Variants in QSOX1 observed in about 807,000 individuals in gnomAD.
The protein encoded by QSOX1 is quiescin sulfhydryl oxidase 1, also known as sulfhydryl oxidase 1.
QSOX1 carries 40 observed loss-of-function variants against 76.1 expected under a neutral mutation model. That is an observed-to-expected ratio of 0.53 (90% CI 0.41 to 0.68). The LOEUF (loss-of-function observed/expected upper bound fraction) is 0.68, where lower values mean the gene tolerates loss of function less well. QSOX1 is among the 30% of genes least tolerant of loss of function. QSOX1 has a pLI of 0.00. For synonymous variants in QSOX1, 392 were observed against 413.1 expected (o/e 0.95, Z 0.62); for missense variants, 931 against 974.3 (o/e 0.96, Z 0.59).
At chr1:180,173,726 G>T (rs953979069) in intron 2 of QSOX1, among the ~76,000 whole-genome samples, 6 of 152,146 alleles carry the variant, frequency 3.9e-5, no homozygotes, top group African/African-American at 1.4e-4. Flanking sequence ...ATGGTTCCTA[G>T]TGTTTAAAAG....
intron 7 of QSOX1, 90 bp downstream of exon 7, chr1:180,184,140 TCTTC>T (rs1663110507): frequency 1.4e-6 from 2 of 1,477,062 alleles, no homozygotes; most frequent in Non-Finnish European, 1.9e-6. Flanking sequence ...TGCTCATTCT[TCTTC>T]CTTGTCATAT....
chr1:180,160,149 A>G (rs1479188255), intron 1 of QSOX1, among the ~76,000 whole-genome samples: 1 of 152,166 alleles, frequency 6.6e-6, no homozygotes, highest in African/African-American at 2.4e-5. Flanking sequence ...CTAAGAGTTT[A>G]CAATATGACG....
chr1:180,190,098 G>C (rs1324046509), intron 9 of QSOX1, among the ~76,000 whole-genome samples: 1 of 152,206 alleles, frequency 6.6e-6, no homozygotes, highest in Non-Finnish European at 1.5e-5. Context: ...TCCTGCTCAT[G>C]CTGCTATTTG....
intron 8 of QSOX1, among the ~76,000 whole-genome samples, chr1:180,187,971 C>T (rs575149410): frequency 2.0e-5 from 3 of 152,216 alleles, no homozygotes; most frequent in Admixed American, 1.3e-4. Flanking sequence ...TCAGCCCTGC[C>T]GGTGCCTGCA....
chr1:180,196,915 C>T lies in QSOX1; in HGVS notation c.2122C>T (p.Leu708=), dbSNP rs1438327561. 3.1e-6 allele frequency: 5 copies of T among 1,595,768 alleles called. No homozygotes were observed. In the East Asian group the frequency reaches 9.0e-5, roughly 29 times the overall value. Residue 708 remains leucine, a synonymous_variant, in exon 12 of 12, where the codon CTG becomes TTG. Transcript: ENST00000367602. The surrounding 1 kb of genome is among the most constrained non-coding windows in gnomAD (Gnocchi z 4.1). ...GGTGCTGGGAGGGGGCTTCTCTTAC[C>T]TGGACATCAGCCTCTGTGTGGGGCT... ...LQVLGGGFSY[L]DISLCVGLYS...
intron 2 of QSOX1, among the ~76,000 whole-genome samples, chr1:180,174,231 G>T (rs536143609): frequency 6.6e-6 from 1 of 152,336 alleles, no homozygotes; most frequent in South Asian, 2.1e-4. Context: ...TCGGAAGAGC[G>T]CAGGCAAAAG....
intron 2 of QSOX1, among the ~76,000 whole-genome samples, chr1:180,170,314 G>T (rs567793889): frequency 6.6e-6 from 1 of 152,316 alleles, no homozygotes; most frequent in Non-Finnish European, 1.5e-5. Context: ...TGTTTTTGAG[G>T]TCTTCTCCAT....
At chr1:180,189,794 T>C (rs1558192183) in intron 9 of QSOX1, 120 bp downstream of exon 9, 1 of 1,154,648 alleles carries the variant, frequency 8.7e-7, no homozygotes, top group Non-Finnish European at 1.2e-6. Flanking sequence ...GTGATCTTCG[T>C]TGGGTCCTAA....
At chr1:180,158,355 A>G (rs992075197) in intron 1 of QSOX1, among the ~76,000 whole-genome samples, 9 of 152,206 alleles carry the variant, frequency 5.9e-5, no homozygotes, top group Admixed American at 4.6e-4. Context: ...CACATCTGCT[A>G]TGTGTACCTG....
intron 11 of QSOX1, among the ~76,000 whole-genome samples, chr1:180,195,222 A>T (rs1663441760): frequency 6.6e-6 from 1 of 152,026 alleles, no homozygotes; most frequent in East Asian, 1.9e-4. Flanking sequence ...CTGGAGGGCC[A>T]GGAGCCTGGG....
rs1663659792 is a variant in QSOX1 at position 180,202,702 on chromosome 1, A to G, written c.*5665A>G. On this transcript the variant is annotated 3_prime_UTR_variant, in exon 12 of 12. Coordinates refer to ENST00000367602, the MANE Select transcript of QSOX1 (RefSeq NM_002826.5). ...AAAAAAAAAAAAAAAGGGGAAATAT[A>G]ATTGAATACTTCACTGTTTTTGAAA... 2.0e-5 allele frequency: 3 copies of G among 151,680 alleles called. No individual in the cohort carries two copies. In the South Asian group the frequency reaches 6.3e-4, roughly 32 times the overall value. The allele number at this position is 151,680 out of a possible 1,614,324, so 9.4% of individuals were successfully genotyped here. A position where few individuals can be genotyped will look rare whatever the true frequency, so the allele number is the denominator to read the frequency against.
intron 1 of QSOX1, among the ~76,000 whole-genome samples, chr1:180,160,497 C>G (rs1439669903): frequency 1.3e-5 from 2 of 151,894 alleles, no homozygotes; most frequent in African/African-American, 4.8e-5. Flanking sequence ...TGAAGTTACC[C>G]ACTGGGCAGA....
At position 180,161,975 on chromosome 1, in the gene QSOX1, T is replaced by C. The variant is rs1662502751; in HGVS notation, c.266-4516T>C. On this transcript the variant is annotated intron_variant, in intron 1 of 11. Transcript: ENST00000367602. Reference sequence around the variant, plus strand: ...GGATTATAGTTGCTTAGAAAAAAGCTTTTAGAAAAACATCAGAATAAAGCA... The same window carrying C: ...GGATTATAGTTGCTTAGAAAAAAGCCTTTAGAAAAACATCAGAATAAAGCA... Among the ~76,000 whole-genome samples the C allele has an allele frequency of 2.6e-5, 4 of 152,318 alleles. 1 individual carries two copies. In the South Asian group the frequency reaches 8.3e-4, roughly 32 times the overall value.
intron 1 of QSOX1, among the ~76,000 whole-genome samples, chr1:180,162,198 A>C (rs1257704713): frequency 6.6e-6 from 1 of 152,242 alleles, no homozygotes; most frequent in Non-Finnish European, 1.5e-5. Flanking sequence ...CCTTAATAGC[A>C]AGTATAAACA....
intron 2 of QSOX1, among the ~76,000 whole-genome samples, chr1:180,174,427 A>T (rs567809826): frequency 6.6e-6 from 1 of 152,252 alleles, no homozygotes; most frequent in Non-Finnish European, 1.5e-5. Flanking sequence ...CCAGGGACTC[A>T]GGTCCCCGCT....
Position 180,199,330 on chromosome 1 carries a change from C to T in QSOX1, c.*2293C>T, listed in dbSNP as rs1055738508. 6 of 152,178 alleles carry T rather than the reference C, an allele frequency of 3.9e-5. No homozygotes were observed. The highest frequency in any genetic ancestry group is 1.4e-4 in the African/African-American group (6 of 41,438). 9.4% of individuals were successfully genotyped at this position (152,178 alleles called of 1,614,324 possible). On this transcript the variant is annotated 3_prime_UTR_variant, in exon 12 of 12. Transcript: ENST00000367602. ...TTGAATGCCCTTCTAGATGGCTTCT[C>T]TAGAGGCTCTCCTGGCAAGAGAGGG...
At position 180,198,692 on chromosome 1, in the gene QSOX1, G is replaced by C. The variant is rs757461888; in HGVS notation, c.*1655G>C. 1 of 323,202 alleles carries C rather than the reference G, an allele frequency of 3.1e-6. No homozygotes were observed. The allele number at this position is 323,202 out of a possible 1,614,324, so 20.0% of individuals were successfully genotyped here. Reference sequence around the variant, plus strand: ...GGCTCCTGGGTTGGACTCCCTCTCTGTGCCCCTGCTCCAGGCACCCATTGG... The same window carrying C: ...GGCTCCTGGGTTGGACTCCCTCTCTCTGCCCCTGCTCCAGGCACCCATTGG... On this transcript the variant is annotated 3_prime_UTR_variant, in exon 12 of 12. Coordinates refer to ENST00000367602, the MANE Select transcript of QSOX1 (RefSeq NM_002826.5).
intron 5 of QSOX1, among the ~76,000 whole-genome samples, chr1:180,179,648 A>G (rs1662980615): frequency 6.6e-6 from 1 of 152,254 alleles, no homozygotes; most frequent in African/African-American, 2.4e-5. Context: ...CCCAGCTGCA[A>G]AGGTGGGACG....
chr1:180,165,641 G>T (rs1662598657), intron 1 of QSOX1, among the ~76,000 whole-genome samples: 1 of 152,250 alleles, frequency 6.6e-6, no homozygotes, highest in Admixed American at 6.5e-5. Context: ...CCCTGCCACT[G>T]CCCTCTCACG....
Sources: gnomAD v4.1 joint callset for allele counts (sites outside exome capture counted in the v4.1 genomes callset) on GRCh38, gnomAD v4.1.1 for gene constraint, Gnocchi (gnomAD v3.1) non-coding constraint, MANE v1.5 for transcripts, NCBI Gene and HGNC (gene_info 2026-07-23, HGNC 2026-07-21) for gene names.